The following ERC2 variants were observed in gnomAD, a reference collection of about 807,000 sequenced individuals.
ERC2 encodes ELKS/RAB6-interacting/CAST family member 2.
ERC2 carries 42 observed loss-of-function variants against 114.8 expected under a neutral mutation model. The ratio of observed to expected loss-of-function variants is 0.37; its 90% CI spans 0.29 to 0.47. ERC2 has a LOEUF of 0.47. Ranked by LOEUF, ERC2 falls within the 20% of genes least tolerant of loss-of-function variation. The pLI is 0.99. For synonymous variants in ERC2, 454 were observed against 425.5 expected, an observed-to-expected ratio of 1.07 and a Z score of -0.82; for missense variants, 939 against 1,150.7, an observed-to-expected ratio of 0.82 and a Z score of 2.66.
intron 12 of ERC2, among the ~76,000 whole-genome samples, chr3:55,957,507 A>G (rs1341257403): frequency 1.3e-5 from 2 of 152,206 alleles, no homozygotes; most frequent in African/African-American, 2.4e-5. Flanking sequence ...CACCAGCTGG[A>G]AACCTCTGTG....
chr3:56,388,221 T>C (rs1391080828), intron 2 of ERC2, among the ~76,000 whole-genome samples: 3 of 152,178 alleles, frequency 2.0e-5, no homozygotes, highest in Non-Finnish European at 2.9e-5. Context: ...ACGTAGGCCC[T>C]GGTGGGAGGT....
chr3:55,657,113 T>A (rs2060904989), intron 17 of ERC2: 1 of 152,180 alleles, frequency 6.6e-6, no homozygotes, highest in South Asian at 2.1e-4. Context: ...GATAGTGGTA[T>A]GAAGGGCATC....
intron 17 of ERC2, among the ~76,000 whole-genome samples, chr3:55,591,050 A>T (rs1307735487): frequency 6.6e-6 from 1 of 152,034 alleles, no homozygotes; most frequent in Non-Finnish European, 1.5e-5. Flanking sequence ...GCTGGTCTCG[A>T]ACTCCTGACC....
Position 56,293,449 on chromosome 3 carries a change from T to C in ERC2, c.1074+2570A>G, listed in dbSNP as rs566989653. Among the ~76,000 whole-genome samples the C allele has an allele frequency of 3.9e-5, 6 of 152,306 alleles. No homozygotes were observed. In the East Asian group the frequency reaches 1.2e-3, roughly 29 times the overall value. ...TTCCATGGTGTAAATACACCAAATATGACCAATTCCAGGCTACGTGTGGTT... is the reference window on the plus strand; with the variant it reads ...TTCCATGGTGTAAATACACCAAATACGACCAATTCCAGGCTACGTGTGGTT... On this transcript the variant is annotated intron_variant, in intron 3 of 17. Coordinates refer to ENST00000288221, the MANE Select transcript of ERC2 (RefSeq NM_015576.3).
chr3:55,931,600 C>T (rs995604828), intron 13 of ERC2, among the ~76,000 whole-genome samples: 4 of 151,654 alleles, frequency 2.6e-5, no homozygotes, highest in South Asian at 2.1e-4. Context: ...TGGGGCCTGT[C>T]GGGGTGTGGG....
intron 2 of ERC2, among the ~76,000 whole-genome samples, chr3:56,399,116 G>T (rs2060425545): frequency 6.6e-6 from 1 of 152,128 alleles, no homozygotes. Context: ...CTACCGCAGG[G>T]CTCAAACATC....
chr3:55,812,319 C>T (rs1337014504), intron 14 of ERC2, among the ~76,000 whole-genome samples: 1 of 152,076 alleles, frequency 6.6e-6, no homozygotes, highest in Non-Finnish European at 1.5e-5. Flanking sequence ...AGAAGGGACC[C>T]CCACAGCATG....
intron 17 of ERC2, among the ~76,000 whole-genome samples, chr3:55,543,292 G>T (rs1252339964): frequency 6.6e-6 from 1 of 152,180 alleles, no homozygotes; most frequent in Non-Finnish European, 1.5e-5. Flanking sequence ...GGGAGACAGG[G>T]TTACATCAGC....
intron 14 of ERC2, among the ~76,000 whole-genome samples, chr3:55,883,128 T>C (rs1384624658): frequency 2.0e-5 from 3 of 152,260 alleles, no homozygotes; most frequent in Non-Finnish European, 4.4e-5. Flanking sequence ...TTTATACATT[T>C]TTTAACTAAT....
intron 3 of ERC2, among the ~76,000 whole-genome samples, chr3:56,261,200 T>C (rs1166977571): frequency 6.6e-6 from 1 of 152,190 alleles, no homozygotes; most frequent in Non-Finnish European, 1.5e-5. Flanking sequence ...AAGTCTCAGC[T>C]TAAACACAAC....
Position 56,435,061 on chromosome 3 carries a change from G to C in ERC2, c.-54C>G, listed in dbSNP as rs1363556923. 1.3e-5 allele frequency: 18 copies of C among 1,382,068 alleles called. No individual in the cohort carries two copies. Among genetic ancestry groups the C allele is most frequent in the African/African-American group, 1.4e-5 (1 of 69,358 alleles). 85.6% of individuals were successfully genotyped at this position (1,382,068 alleles called of 1,614,324 possible). On this transcript the variant is annotated 5_prime_UTR_variant, in exon 2 of 18. Coordinates refer to ENST00000288221, the MANE Select transcript of ERC2 (RefSeq NM_015576.3). ...GAGAAGAAATGCTATATTAAGTTGG[G>C]GTTTGAGCTAATATTTCCACGATTG...
chr3:55,922,773 T>C (rs1011703643), intron 13 of ERC2, among the ~76,000 whole-genome samples: 5 of 152,106 alleles, frequency 3.3e-5, no homozygotes, highest in African/African-American at 9.7e-5. Flanking sequence ...TCAATTTGAA[T>C]GGACAGCTCT....
chr3:55,807,622 T>G (rs978224674), intron 14 of ERC2, among the ~76,000 whole-genome samples: 4 of 125,078 alleles, frequency 3.2e-5, no homozygotes, highest in Non-Finnish European at 6.4e-5. Flanking sequence ...ATTAAAGGAC[T>G]GGATTTGGCC....
At chr3:56,350,218 A>G (rs2058498256) in intron 2 of ERC2, among the ~76,000 whole-genome samples, 1 of 152,248 alleles carries the variant, frequency 6.6e-6, no homozygotes, top group Non-Finnish European at 1.5e-5. Context: ...AAGGAAAAAA[A>G]TAAAATTTTT....
intron 2 of ERC2, among the ~76,000 whole-genome samples, chr3:56,300,584 A>G (rs1214115283): frequency 6.6e-6 from 1 of 152,244 alleles, no homozygotes; most frequent in Non-Finnish European, 1.5e-5. Flanking sequence ...CAGATCTATT[A>G]AGAAACAGTG....
intron 13 of ERC2, among the ~76,000 whole-genome samples, chr3:55,932,660 C>T (rs1223111125): frequency 6.6e-6 from 1 of 152,114 alleles, no homozygotes; most frequent in African/African-American, 2.4e-5. Flanking sequence ...AATATATTCC[C>T]AATACATTCA....
At chr3:56,127,125 AG>A (rs1275388657) in intron 6 of ERC2, among the ~76,000 whole-genome samples, 1 of 152,218 alleles carries the variant, frequency 6.6e-6, no homozygotes, top group African/African-American at 2.4e-5. Context: ...ATGAGGTAAA[AG>A]ATTACCACAA....
chr3:55,906,641 G>C (rs2064470892), intron 13 of ERC2, among the ~76,000 whole-genome samples: 1 of 152,110 alleles, frequency 6.6e-6, no homozygotes, highest in African/African-American at 2.4e-5. Flanking sequence ...TCAAGTTCCA[G>C]AACTACTGCT....
chr3:55,812,656 G>A lies in ERC2; in HGVS notation c.2564+75733C>T, dbSNP rs147677403. Among the ~76,000 whole-genome samples, 446 of 152,308 alleles carry A rather than the reference G, an allele frequency of 2.9e-3. 4 individuals are homozygous for A. The highest frequency in any genetic ancestry group is 0.01 in the African/African-American group (425 of 41,564). ...AGGATCTACTTAAAAGCGGGGGAAG[G>A]GAGCATTCCAAGCACAGAGAGTTTG... On this transcript the variant is annotated intron_variant, in intron 14 of 17. Transcript: ENST00000288221.
Sources: allele counts gnomAD v4.1 joint callset (sites outside exome capture counted in the v4.1 genomes callset), GRCh38; gene constraint gnomAD v4.1.1; transcripts MANE v1.5; gene names NCBI Gene and HGNC (gene_info 2026-07-23, HGNC 2026-07-21).